Variants in TET2 observed in about 807,000 individuals in gnomAD.
TET2 encodes the protein tet methylcytosine dioxygenase 2.
In TET2, 299 loss-of-function variants were observed where a neutral mutation model predicts 142.9. That is an observed-to-expected ratio of 2.09 (90% CI 1.90 to 2.30). The LOEUF is 2.30. TET2 is among the 30% of genes most tolerant of loss of function. The pLI, the probability that TET2 is intolerant of heterozygous loss-of-function variation, is 0.00. For missense variants in TET2, 2,418 were observed against 2,378.0 expected (o/e 1.02, Z -0.35); for synonymous variants, 819 against 849.0 (o/e 0.96, Z 0.61).
intron 2 of TET2, among the ~76,000 whole-genome samples, chr4:105,207,566 A>G (rs976163537): frequency 2.0e-5 from 3 of 151,990 alleles, no homozygotes; most frequent in Non-Finnish European, 4.4e-5. Context: ...TATTTAAGGG[A>G]TCATAAAAGG....
At chr4:105,250,388 T>A (rs1729808465) in intron 6 of TET2, among the ~76,000 whole-genome samples, 1 of 47,422 alleles carries the variant, frequency 2.1e-5, no homozygotes. Flanking sequence ...GGATTTTTTT[T>A]TTTTTTTTTT....
intron 8 of TET2, 129 bp downstream of exon 8, chr4:105,261,977 A>T: frequency 1.6e-6 from 1 of 626,046 alleles, no homozygotes; most frequent in South Asian, 2.2e-5. Context: ...TGTTGAAACC[A>T]CTGCAGTGTT....
In TET2 at chr4:105,235,778, TG is replaced by T. The variant is rs763386429; in HGVS notation, c.1842del (p.Leu615SerfsTer24). ...KQYTGNSNMP[G>X]GLPRQAYTQK... Reference sequence around the variant, plus strand: ...AATACACTGGAAATTCCAACATGCCTGGGGGGCTCCCAAGGCAAGCTTACAC... The same window carrying T: ...AATACACTGGAAATTCCAACATGCCTGGGGGCTCCCAAGGCAAGCTTACAC... On this transcript the variant is annotated frameshift_variant, in exon 3 of 11. Transcript: ENST00000380013. LOFTEE classifies it high-confidence loss of function. 2.5e-6 allele frequency: 4 copies of T among 1,613,926 alleles called. No homozygotes were observed. The highest frequency in any genetic ancestry group is 1.7e-6 in the Non-Finnish European group (2 of 1,180,004).
At chr4:105,259,796 G>A (rs973743434) in intron 7 of TET2, 27 bp downstream of exon 7, 13 of 1,541,258 alleles carry the variant, frequency 8.4e-6, no homozygotes, top group Admixed American at 2.0e-5. Flanking sequence ...ATGTATAATC[G>A]CTTTATTTTT....
intron 2 of TET2, among the ~76,000 whole-genome samples, chr4:105,195,973 C>A (rs1388774235): frequency 6.6e-6 from 1 of 152,114 alleles, no homozygotes; most frequent in African/African-American, 2.4e-5. Flanking sequence ...CACACAATAC[C>A]CTTCCTTAAG....
intron 1 of TET2, among the ~76,000 whole-genome samples, chr4:105,162,859 G>A (rs1723928696): frequency 1.3e-5 from 2 of 152,056 alleles, no homozygotes; most frequent in South Asian, 4.1e-4. Context: ...GCCTATATCT[G>A]CAATAATACG....
rs61328453 is a variant in TET2, at chr4:105,278,171, CATATATATAT to C, written c.*1675_*1684del. ...GTACTGTAAAAAAATTAAATATATA[CATATATATAT>C]ATATATATATATATATATATATGAG... is the stretch of plus-strand genomic sequence containing the variant. On this transcript the variant is annotated 3_prime_UTR_variant, in exon 11 of 11. Coordinates refer to ENST00000380013, the MANE Select transcript of TET2 (RefSeq NM_001127208.3). The C allele has an allele frequency of 2.4e-4, 27 of 114,104 alleles. 1 individual carries two copies. The highest frequency in any genetic ancestry group is 7.4e-4 in the African/African-American group (18 of 24,426). The allele number at this position is 114,104 out of a possible 1,614,324, so 7.1% of individuals were successfully genotyped here. A position where few individuals can be genotyped will look rare whatever the true frequency, so the allele number is the denominator to read the frequency against.
chr4:105,178,643 T>A (rs1310799077), intron 1 of TET2, among the ~76,000 whole-genome samples: 1 of 152,102 alleles, frequency 6.6e-6, no homozygotes, highest in African/African-American at 2.4e-5. Flanking sequence ...ATGTTGATAA[T>A]GGGGAAGGTT....
chr4:105,235,142 A>G lies in TET2; in HGVS notation c.1200A>G (p.Pro400=). Residue 400 remains proline, a synonymous_variant, in exon 3 of 11, where the codon CCA becomes CCG. Coordinates refer to ENST00000380013, the MANE Select transcript of TET2 (RefSeq NM_001127208.3). ...DSFSATTTPP[P]PSQLLLSPPP... is the part of the protein sequence containing the mutation. Reference sequence around the variant, plus strand: ...TTTCTGCCACTACCACACCACCACCACCATCACAATTGCTTCTTTCTCCCC... The same window carrying G: ...TTTCTGCCACTACCACACCACCACCGCCATCACAATTGCTTCTTTCTCCCC... The G allele has an allele frequency of 6.2e-7, 1 of 1,613,726 alleles. No individual in the cohort carries two copies. Among genetic ancestry groups the G allele is most frequent in the East Asian group, 2.2e-5 (1 of 44,886 alleles).
Position 105,235,848 on chromosome 4 carries a change from G to C in TET2, c.1906G>C (p.Val636Leu). 6.2e-7 allele frequency: 1 copy of C among 1,613,998 alleles called. No individual in the cohort carries two copies. ...QLEHKSQMYQVEMNQGQSQGT... is the reference protein window; with the variant it reads ...QLEHKSQMYQLEMNQGQSQGT... ...GGAGCACAAGTCACAAATGTACCAAGTTGAAATGAATCAAGGGCAGTCCCA... is the reference window on the plus strand; with the variant it reads ...GGAGCACAAGTCACAAATGTACCAACTTGAAATGAATCAAGGGCAGTCCCA... Residue 636 changes from valine (V) to leucine (L), a missense_variant, in exon 3 of 11, where the codon GTT becomes CTT. Coordinates refer to ENST00000380013, the MANE Select transcript of TET2 (RefSeq NM_001127208.3).
At chr4:105,271,360 G>A (rs1317975891) in intron 9 of TET2, among the ~76,000 whole-genome samples, 1 of 152,152 alleles carries the variant, frequency 6.6e-6, no homozygotes, top group Non-Finnish European at 1.5e-5. Flanking sequence ...AATGATAACT[G>A]GGGCTATAGT....
In TET2 at chr4:105,206,946, C is replaced by T. The variant is rs149462419; in HGVS notation, c.-47+16441C>T. 1.2e-3 allele frequency among the ~76,000 whole-genome samples: 187 copies of T among 152,180 alleles called. 1 individual carries two copies. The Middle Eastern group carries it at 0.014, about 11-fold the overall frequency. The stretch of plus-strand genomic sequence containing the variant: ...GAGAGAATAAATTATCAGCCAGTCT[C>T]GCAAGAACAAAAATAAGCCAAGTCA... On this transcript the variant is annotated intron_variant, in intron 2 of 10. Coordinates refer to ENST00000380013, the MANE Select transcript of TET2 (RefSeq NM_001127208.3).
Position 105,231,711 on chromosome 4 carries a change from G to T in TET2, c.-46-2186G>T, listed in dbSNP as rs552099118. Among the ~76,000 whole-genome samples, 310 of 152,254 alleles carry T rather than the reference G, an allele frequency of 2.0e-3. 1 individual carries two copies. The highest frequency in any genetic ancestry group is 3.8e-3 in the Non-Finnish European group (261 of 67,994). ...AATAGAGTTGTTTTTCGCCCAAAAA[G>T]AAAATAGTCTTTCTTTTTCTACTTA... On this transcript the variant is annotated intron_variant, in intron 2 of 10. Transcript: ENST00000380013.
intron 9 of TET2, among the ~76,000 whole-genome samples, chr4:105,270,585 A>T (rs899890997): frequency 6.6e-6 from 1 of 152,186 alleles, no homozygotes; most frequent in Non-Finnish European, 1.5e-5. Context: ...AAAGATTCAC[A>T]GTGCAAAAGA....
chr4:105,177,935 A>C (rs567142150), intron 1 of TET2: 1 of 152,140 alleles, frequency 6.6e-6, no homozygotes, highest in Non-Finnish European at 1.5e-5. Context: ...AAAGATACAA[A>C]AAAGTAGCTG....
intron 1 of TET2, among the ~76,000 whole-genome samples, chr4:105,187,622 AT>A (rs1269921013): frequency 2.0e-5 from 3 of 152,168 alleles, no homozygotes; most frequent in Non-Finnish European, 2.9e-5. Context: ...CTATAATTGA[AT>A]TTCTTTTTTC....
intron 2 of TET2, among the ~76,000 whole-genome samples, chr4:105,215,790 T>C (rs183446824): frequency 2.4e-4 from 36 of 152,310 alleles, no homozygotes; most frequent in Admixed American, 1.8e-3. Flanking sequence ...GGAAAGAGTT[T>C]GCTTTGATTT....
chr4:105,219,694 G>A (rs986643345), intron 2 of TET2, among the ~76,000 whole-genome samples: 1 of 151,956 alleles, frequency 6.6e-6, no homozygotes, highest in Non-Finnish European at 1.5e-5. Context: ...CTGAAGATAT[G>A]AGACAATGTA....
intron 6 of TET2, among the ~76,000 whole-genome samples, chr4:105,249,552 A>C (rs1018049781): frequency 6.6e-6 from 1 of 152,194 alleles, no homozygotes; most frequent in Non-Finnish European, 1.5e-5. Context: ...TTATGCTTTT[A>C]CATTTCTGCC....
Sources: allele counts gnomAD v4.1 joint callset (sites outside exome capture counted in the v4.1 genomes callset), GRCh38; gene constraint gnomAD v4.1.1; transcripts MANE v1.5; gene names NCBI Gene and HGNC (gene_info 2026-07-23, HGNC 2026-07-21).